The following LOXL2 variants were observed in gnomAD, a reference collection of about 807,000 sequenced individuals.
LOXL2 encodes the protein lysyl oxidase like 2.
LOXL2 carries 70 observed loss-of-function variants against 93.0 expected under a neutral mutation model. The observed-to-expected ratio is 0.75, with a 90% CI of 0.62 to 0.92. LOXL2 has a LOEUF of 0.92. LOXL2 is among the 40% of genes least tolerant of loss of function. The probability of loss-of-function intolerance (pLI) is 0.00; values close to 1 mark genes in which losing one functional copy is unlikely to be tolerated. For synonymous variants in LOXL2, 438 were observed against 413.2 expected (o/e 1.06, Z -0.73); for missense variants, 973 against 1,054.9 (o/e 0.92, Z 1.08).
chr8:23,323,724 C>T (rs1296496457), intron 6 of LOXL2, among the ~76,000 whole-genome samples: 4 of 151,624 alleles, frequency 2.6e-5, no homozygotes, highest in East Asian at 1.9e-4. Flanking sequence ...GGGGGTGGGA[C>T]GAACTCTTGC....
intron 5 of LOXL2, 50 bp from the exon 6 acceptor site, chr8:23,328,615 C>G: frequency 6.4e-7 from 1 of 1,571,602 alleles, no homozygotes. Flanking sequence ...GCACGTTCAG[C>G]GGGTGACCAC....
chr8:23,298,701 C>T, intron 13 of LOXL2, 135 bp downstream of exon 13: 1 of 615,982 alleles, frequency 1.6e-6, no homozygotes. Context: ...TCTGTGGCTT[C>T]TGTCCTGAAT....
chr8:23,398,815 A>AT (rs1360625297), intron 1 of LOXL2, among the ~76,000 whole-genome samples: 138 of 147,412 alleles, frequency 9.4e-4, no homozygotes, highest in African/African-American at 1.9e-3. Context: ...TGCCTGGCTA[A>AT]TTTTTTTTTT....
At chr8:23,298,694 G>A in intron 13 of LOXL2, 142 bp downstream of exon 13, 1 of 605,898 alleles carries the variant, frequency 1.7e-6, no homozygotes, top group Non-Finnish European at 3.0e-6. Context: ...CTGTGTGTCT[G>A]TGGCTTCTGT....
chr8:23,335,613 C>A (rs1015199611), intron 4 of LOXL2, among the ~76,000 whole-genome samples: 8 of 152,140 alleles, frequency 5.3e-5, no homozygotes, highest in Non-Finnish European at 1.2e-4. Flanking sequence ...GAAGGCCCTG[C>A]TACCTGCTCA....
rs573977124 is a variant in LOXL2 at position 23,352,150 on chromosome 8, G to C, written c.531+7940C>G. 3.2e-4 allele frequency among the ~76,000 whole-genome samples: 48 copies of C among 152,270 alleles called. 1 individual carries two copies. Among genetic ancestry groups the C allele is most frequent in the African/African-American group, 1.0e-3 (43 of 41,542 alleles). On this transcript the variant is annotated intron_variant, in intron 3 of 13. Coordinates refer to ENST00000389131, the MANE Select transcript of LOXL2 (RefSeq NM_002318.3). ...GTTATACATCCTCTTGCCCAAGAAG[G>C]GCGAGAGACAAAACCCAGGAGAGCT...
intron 3 of LOXL2, among the ~76,000 whole-genome samples, chr8:23,356,447 C>G (rs1469177067): frequency 6.6e-6 from 1 of 152,186 alleles, no homozygotes; most frequent in Non-Finnish European, 1.5e-5. Context: ...ATAAATATCC[C>G]ACGTAGGTGG....
chr8:23,400,482 T>A (rs1012874756), intron 1 of LOXL2, among the ~76,000 whole-genome samples: 6 of 152,168 alleles, frequency 3.9e-5, no homozygotes, highest in Non-Finnish European at 7.4e-5. Flanking sequence ...CTACAACACA[T>A]GGGAATTATG....
At chr8:23,375,981 T>C (rs1055228984) in intron 1 of LOXL2, among the ~76,000 whole-genome samples, 20 of 152,176 alleles carry the variant, frequency 1.3e-4, no homozygotes, top group Admixed American at 6.5e-4. Flanking sequence ...CTATGTTGAA[T>C]AGGAGTGGTG....
intron 3 of LOXL2, among the ~76,000 whole-genome samples, chr8:23,348,769 C>A (rs1033933096): frequency 1.3e-5 from 2 of 151,984 alleles, no homozygotes; most frequent in Non-Finnish European, 2.9e-5. Flanking sequence ...CCCAGCTACT[C>A]AGGAGGCTGA....
Position 23,309,743 on chromosome 8 carries a change from T to C in LOXL2, c.1805A>G (p.Gln602Arg), listed in dbSNP as rs372124781. 1.4e-5 allele frequency: 23 copies of C among 1,600,738 alleles called. No homozygotes were observed. The highest frequency in any genetic ancestry group is 2.6e-6 in the Non-Finnish European group (3 of 1,173,962). Reference sequence around the variant, plus strand: ...GTCGGACTGGCCATTGTTGTGGATCTGGGAGGAGAAGCGCAGGAGCCGGCG... The same window carrying C: ...GTCGGACTGGCCATTGTTGTGGATCCGGGAGGAGAAGCGCAGGAGCCGGCG... ...GYRRLLRFSSQIHNNGQSDFR... is the reference protein window; with the variant it reads ...GYRRLLRFSSRIHNNGQSDFR... Residue 602 changes from glutamine (Q) to arginine (R), a missense_variant, in exon 10 of 14, where the codon CAG (glutamine) becomes CGG (arginine). By Grantham distance (43) the Gln-to-Arg change is conservative (BLOSUM62 1). Coordinates refer to ENST00000389131, the MANE Select transcript of LOXL2 (RefSeq NM_002318.3).
chr8:23,327,693 G>A (rs1035021107), intron 6 of LOXL2, among the ~76,000 whole-genome samples: 9 of 152,270 alleles, frequency 5.9e-5, no homozygotes, highest in Admixed American at 1.3e-4. Flanking sequence ...ACCAAGGCTC[G>A]CAAGGATAAA....
At chr8:23,318,718 C>T (rs139119545) in intron 8 of LOXL2, among the ~76,000 whole-genome samples, 1 of 152,318 alleles carries the variant, frequency 6.6e-6, no homozygotes, top group Non-Finnish European at 1.5e-5. Context: ...TTTTTCCACT[C>T]TCCTTGGAGA....
At chr8:23,353,829 TA>T (rs1489928001) in intron 3 of LOXL2, among the ~76,000 whole-genome samples, 2 of 152,198 alleles carry the variant, frequency 1.3e-5, no homozygotes, top group East Asian at 3.8e-4. Context: ...GCCACTGAAC[TA>T]CAGGCCGTCA....
intron 5 of LOXL2, 148 bp downstream of exon 5, chr8:23,333,253 G>A (rs993806436): frequency 1.6e-5 from 11 of 687,592 alleles, no homozygotes; most frequent in Middle Eastern, 4.0e-4. Context: ...TCTGCAGAGG[G>A]CGCTCAGGTC....
At chr8:23,304,445 C>T (rs1023377175) in intron 10 of LOXL2, among the ~76,000 whole-genome samples, 1 of 152,202 alleles carries the variant, frequency 6.6e-6, no homozygotes, top group East Asian at 1.9e-4. Context: ...ACGAGCATGT[C>T]ACAAGTGTCT....
intron 3 of LOXL2, among the ~76,000 whole-genome samples, chr8:23,356,324 T>C (rs1390263602): frequency 1.3e-5 from 2 of 152,248 alleles, no homozygotes; most frequent in East Asian, 1.9e-4. Context: ...CTTCCTCTTA[T>C]CCACAAAAAT....
intron 1 of LOXL2, among the ~76,000 whole-genome samples, chr8:23,387,279 T>C (rs1804779188): frequency 6.6e-6 from 1 of 152,180 alleles, no homozygotes; most frequent in African/African-American, 2.4e-5. Context: ...TAGTATAAGC[T>C]TTGCCAACAA....
intron 1 of LOXL2, among the ~76,000 whole-genome samples, chr8:23,380,391 C>CAAAAAAAA (rs1219621037): frequency 8.3e-4 from 45 of 54,376 alleles, no homozygotes; most frequent in East Asian, 8.0e-3. Flanking sequence ...GACTCCGTCT[C>CAAAAAAAA]AAAAAAAAAA....
Sources: allele counts gnomAD v4.1 joint callset (sites outside exome capture counted in the v4.1 genomes callset), GRCh38; gene constraint gnomAD v4.1.1; transcripts MANE v1.5; gene names NCBI Gene and HGNC (gene_info 2026-07-23, HGNC 2026-07-21).